Variants in ARID4B observed in about 807,000 individuals in gnomAD.
The protein encoded by ARID4B is AT-rich interactive domain-containing protein 4B.
A neutral mutation model predicts 147.5 loss-of-function variants in ARID4B; 26 were observed. The ratio of observed to expected loss-of-function variants is 0.18; its 90% confidence interval spans 0.13 to 0.24. The LOEUF (loss-of-function observed/expected upper bound fraction) is 0.24. ARID4B is among the 10% of genes least tolerant of loss of function. ARID4B has a pLI of 1.00. For missense variants in ARID4B, 1,179 were observed against 1,511.5 expected, an observed-to-expected ratio of 0.78 and a Z score of 3.65; for synonymous variants, 512 against 507.9, an observed-to-expected ratio of 1.01 and a Z score of -0.11.
chr1:235,176,922 C>A, intron 21 of ARID4B: 1 of 471,116 alleles, frequency 2.1e-6, no homozygotes, highest in Non-Finnish European at 4.4e-6. Flanking sequence ...AAATTCTTTA[C>A]ATATTTTCTG....
chr1:235,326,993 A>G, intron 1 of ARID4B, 25 bp from the exon 2 acceptor site: 3 of 1,491,614 alleles, frequency 2.0e-6, no homozygotes, highest in East Asian at 4.5e-5. Context: ...AAAGACACCC[A>G]GTCAACACCA....
intron 18 of ARID4B, among the ~76,000 whole-genome samples, chr1:235,195,180 G>A (rs1206483685): frequency 6.6e-6 from 1 of 152,050 alleles, no homozygotes; most frequent in Non-Finnish European, 1.5e-5. Context: ...CATAGAAGAT[G>A]CTAATCAAAC....
intron 2 of ARID4B, among the ~76,000 whole-genome samples, chr1:235,281,838 A>G (rs1190891322): frequency 6.6e-6 from 1 of 152,232 alleles, no homozygotes; most frequent in East Asian, 1.9e-4. Context: ...TCTTTATACA[A>G]TTCAGAAGAC....
At chr1:235,240,795 T>G (rs1572057235) in intron 7 of ARID4B, among the ~76,000 whole-genome samples, 1 of 152,062 alleles carries the variant, frequency 6.6e-6, no homozygotes, top group African/African-American at 2.4e-5. Flanking sequence ...AATCCCAATC[T>G]CAAATTAAAG....
chr1:235,284,846 T>C (rs757178490), intron 2 of ARID4B, among the ~76,000 whole-genome samples: 9 of 152,018 alleles, frequency 5.9e-5, no homozygotes, highest in African/African-American at 1.7e-4. Context: ...CTGGGCAACA[T>C]AGCAAAACCA....
At chr1:235,305,121 C>T (rs2103258857) in intron 2 of ARID4B, among the ~76,000 whole-genome samples, 1 of 152,232 alleles carries the variant, frequency 6.6e-6, no homozygotes, top group East Asian at 1.9e-4. Flanking sequence ...TTAATATAAA[C>T]ACAAGGATAC....
At chr1:235,224,639 ATTTT>A (rs1667708558) in intron 12 of ARID4B, 60 bp downstream of exon 12, 1 of 1,149,580 alleles carries the variant, frequency 8.7e-7, no homozygotes, top group Non-Finnish European at 1.3e-6. Flanking sequence ...TTCTATTCTT[ATTTT>A]TAAGATACTA....
chr1:235,248,050 CAG>C (rs1179909758), intron 6 of ARID4B, among the ~76,000 whole-genome samples: 3 of 152,122 alleles, frequency 2.0e-5, no homozygotes, highest in East Asian at 3.9e-4. Context: ...ATATACCAAA[CAG>C]AAACTATTTT....
At position 235,229,361 on chromosome 1, in the gene ARID4B, T is replaced by C; in HGVS notation, c.767A>G (p.His256Arg). Reference protein sequence around the residue: ...KQAFEQALEFHKSRTIPANWK... With the variant: ...KQAFEQALEFRKSRTIPANWK... ...GTTAGCAGGAATAGTTCTACTTTTG[T>C]GAAATTCAAGTGCCTGTTCAAAGGC... The change falls in exon 11 of 24, where the codon CAC (histidine) becomes CGC (arginine). Residue 256 changes from histidine (H) to arginine (R), a missense_variant. Coordinates refer to ENST00000264183, the MANE Select transcript of ARID4B (RefSeq NM_016374.6). 1 of 1,613,550 alleles carries C rather than the reference T, an allele frequency of 6.2e-7. No homozygotes were observed. Among genetic ancestry groups the C allele is most frequent in the Non-Finnish European group, 8.5e-7 (1 of 1,179,784 alleles).
intron 19 of ARID4B, among the ~76,000 whole-genome samples, chr1:235,187,978 T>C (rs1664807235): frequency 6.6e-6 from 1 of 152,118 alleles, no homozygotes; most frequent in African/African-American, 2.4e-5. Flanking sequence ...ATGTGCCGAT[T>C]TGGAAAGATT....
At chr1:235,214,843 T>TC (rs2069889887) in intron 16 of ARID4B, among the ~76,000 whole-genome samples, 1 of 146,178 alleles carries the variant, frequency 6.8e-6, no homozygotes, top group Non-Finnish European at 1.5e-5. Context: ...CATCCTTTTT[T>TC]TTTTTTTTTT....
rs1380758397 is a variant in ARID4B at position 235,220,310 on chromosome 1, G to A, written c.1399C>T (p.Pro467Ser). The A allele has an allele frequency of 1.2e-6, 2 of 1,600,176 alleles. No homozygotes were observed. The highest frequency in any genetic ancestry group is 1.7e-5 in the Admixed American group (1 of 57,570). Residue 467 changes from proline (P) to serine (S), a missense_variant, in exon 15 of 24, where the codon CCC becomes TCC. This residue lies in a region of ARID4B where 204 missense variants were observed against 210.9 expected (regional missense o/e 0.97). Transcript: ENST00000264183. Reference sequence around the variant, plus strand: ...AACAATATCTGATTTACCAGAGAGGGCTTAATATTTTCTTTTCTTTCAATT... The same window carrying A: ...AACAATATCTGATTTACCAGAGAGGACTTAATATTTTCTTTTCTTTCAATT... Reference protein sequence around the residue: ...DEIERKENIKPSLGSKKNLLE... With the variant: ...DEIERKENIKSSLGSKKNLLE...
intron 9 of ARID4B, among the ~76,000 whole-genome samples, chr1:235,233,908 G>A (rs369904936): frequency 2.6e-5 from 4 of 152,102 alleles, no homozygotes; most frequent in Non-Finnish European, 5.9e-5. Flanking sequence ...GTGAATCCCC[G>A]TCTCTATTAA....
chr1:235,190,883 C>A (rs1052291883), intron 19 of ARID4B, among the ~76,000 whole-genome samples: 6 of 152,140 alleles, frequency 3.9e-5, no homozygotes, highest in African/African-American at 1.4e-4. Flanking sequence ...AGAGGGAAAC[C>A]AGTCCAGACT....
chr1:235,262,332 T>A (rs529146705), intron 2 of ARID4B, among the ~76,000 whole-genome samples: 2 of 152,308 alleles, frequency 1.3e-5, no homozygotes, highest in East Asian at 3.9e-4. Context: ...TTCCATGTAT[T>A]TCATAAAAAG....
At chr1:235,202,173 A>T (rs890142820) in intron 17 of ARID4B, among the ~76,000 whole-genome samples, 1 of 151,928 alleles carries the variant, frequency 6.6e-6, no homozygotes, top group Non-Finnish European at 1.5e-5. Flanking sequence ...GGCACAAGGG[A>T]AACAGCATTA....
chr1:235,255,980 C>A (rs1269345874), intron 4 of ARID4B, among the ~76,000 whole-genome samples: 1 of 151,850 alleles, frequency 6.6e-6, no homozygotes, highest in Non-Finnish European at 1.5e-5. Context: ...TCGAGACCAG[C>A]CTGGCCAACA....
rs560848990 is a variant in ARID4B, at chr1:235,224,037, C to T, written c.970+666G>A. 2.0e-5 allele frequency among the ~76,000 whole-genome samples: 3 copies of T among 152,202 alleles called. No homozygotes were observed. The East Asian group carries it at 5.8e-4, about 29-fold the overall frequency. On this transcript the variant is annotated intron_variant, in intron 12 of 23. Transcript: ENST00000264183. ...TAGGCGTTGTTATCATTTATGAAAA[C>T]TAAACATGACAAACAGAGTCAGTTT...
intron 17 of ARID4B, 90 bp from the exon 18 acceptor site, chr1:235,196,205 T>A: frequency 1.6e-6 from 1 of 613,144 alleles, no homozygotes; most frequent in Non-Finnish European, 2.6e-6. Flanking sequence ...TATAGAATCT[T>A]GACATTTTAG....
Sources: allele counts gnomAD v4.1 joint callset (sites outside exome capture counted in the v4.1 genomes callset), GRCh38; gene constraint gnomAD v4.1.1; regional missense constraint gnomAD v4.1.1; transcripts MANE v1.5; gene names NCBI Gene and HGNC (gene_info 2026-07-23, HGNC 2026-07-21).